PARP11: variants seen among roughly 807,000 people sequenced by gnomAD.
PARP11 encodes protein mono-ADP-ribosyltransferase PARP11.
PARP11 carries 31 observed loss-of-function variants against 42.9 expected under a neutral mutation model. The observed-to-expected ratio is 0.72, with a 90% CI of 0.54 to 0.98. The LOEUF is 0.98. Among genes scored for constraint, PARP11 ranks in the 50% least tolerant of loss-of-function variants. The pLI, the probability that PARP11 is intolerant of heterozygous loss-of-function variation, is 0.00. For missense variants in PARP11, 365 were observed against 413.1 expected (o/e 0.88, Z 1.01); for synonymous variants, 137 against 127.3 (o/e 1.08, Z -0.51).
chr12:3,841,229 G>A (rs1947882971), intron 1 of PARP11: 9 of 1,483,280 alleles, frequency 6.1e-6, no homozygotes, highest in Non-Finnish European at 8.5e-6. Context: ...TCTTCACTGT[G>A]TCAGACTGGG....
chr12:3,814,474 T>C (rs773571661), intron 6 of PARP11, among the ~76,000 whole-genome samples: 10 of 152,206 alleles, frequency 6.6e-5, no homozygotes, highest in Non-Finnish European at 1.5e-4. Context: ...AGGTAATTGA[T>C]TGTCTAAACC....
At chr12:3,826,311 G>T (rs558821374) in intron 3 of PARP11, 78 bp from the exon 4 acceptor site, 3 of 987,768 alleles carry the variant, frequency 3.0e-6, no homozygotes, top group Non-Finnish European at 2.9e-6. Flanking sequence ...TAATAGCCAC[G>T]CTACGCGATG....
intron 1 of PARP11, among the ~76,000 whole-genome samples, chr12:3,864,445 T>C (rs1451361315): frequency 6.6e-6 from 1 of 152,248 alleles, no homozygotes; most frequent in African/African-American, 2.4e-5. Flanking sequence ...AGTTGTGAAG[T>C]ATTACCTCCT....
chr12:3,843,527 T>C (rs1947935479), intron 1 of PARP11, among the ~76,000 whole-genome samples: 1 of 152,244 alleles, frequency 6.6e-6, no homozygotes, highest in African/African-American at 2.4e-5. Context: ...GTTCTCCTTG[T>C]CAGGGCTGGA....
At chr12:3,815,890 C>T (rs1015258321) in intron 6 of PARP11, among the ~76,000 whole-genome samples, 1 of 152,176 alleles carries the variant, frequency 6.6e-6, no homozygotes. Context: ...TGATAGGCAG[C>T]TCGTTGAATA....
chr12:3,822,459 C>T (rs867122702), intron 4 of PARP11, among the ~76,000 whole-genome samples: 3 of 141,662 alleles, frequency 2.1e-5, no homozygotes, highest in Non-Finnish European at 4.5e-5. Context: ...ATTAGCCAGG[C>T]GTGGGGGCGG....
chr12:3,826,338 C>T, intron 3 of PARP11, 105 bp from the exon 4 acceptor site: 1 of 750,982 alleles, frequency 1.3e-6, no homozygotes, highest in Non-Finnish European at 2.1e-6. Context: ...AATCATGGAG[C>T]TTCGGGAGTA....
intron 1 of PARP11, among the ~76,000 whole-genome samples, chr12:3,837,881 G>A (rs1464887315): frequency 6.6e-6 from 1 of 151,462 alleles, no homozygotes; most frequent in Non-Finnish European, 1.5e-5. Context: ...AATGATAATG[G>A]GGTCAACGAA....
chr12:3,832,252 T>C (rs1947657716), intron 1 of PARP11: 1 of 213,582 alleles, frequency 4.7e-6, no homozygotes, highest in Non-Finnish European at 8.0e-6. Flanking sequence ...TCTTATACAA[T>C]TCCTTATCAA....
chr12:3,839,067 C>A (rs982977020), intron 1 of PARP11, among the ~76,000 whole-genome samples: 1 of 152,038 alleles, frequency 6.6e-6, no homozygotes, highest in African/African-American at 2.4e-5. Flanking sequence ...GGCGCGTGTT[C>A]GCTCCGAGGA....
At chr12:3,873,123 G>A in intron 1 of PARP11, 89 bp downstream of exon 1, 5 of 1,230,508 alleles carry the variant, frequency 4.1e-6, no homozygotes, top group Non-Finnish European at 4.7e-6. Flanking sequence ...ACTGAAGCGA[G>A]CGCGGGGAAG....
At chr12:3,850,753 A>G (rs1353643529) in intron 1 of PARP11, among the ~76,000 whole-genome samples, 2 of 151,846 alleles carry the variant, frequency 1.3e-5, no homozygotes, top group Non-Finnish European at 2.9e-5. Flanking sequence ...GAAAGCATTT[A>G]TATTTATCTA....
intron 3 of PARP11, among the ~76,000 whole-genome samples, chr12:3,827,830 C>T (rs1043017755): frequency 1.3e-5 from 2 of 152,202 alleles, no homozygotes; most frequent in Non-Finnish European, 2.9e-5. Context: ...ACACTACTAA[C>T]ACTGTCATAA....
Position 3,812,549 on chromosome 12 carries a change from A to C in PARP11, c.701-110T>G, listed in dbSNP as rs536256958. On this transcript the variant is annotated intron_variant, in intron 7 of 7. Coordinates refer to ENST00000228820, the MANE Select transcript of PARP11 (RefSeq NM_020367.6). ...ATGCATAGAATTGTATAATAAAAAT[A>C]GATGTGGAATTTCCTCATCTGCAGA... The C allele has an allele frequency of 2.5e-5, 19 of 757,248 alleles. No individual in the cohort carries two copies. In the East Asian group the frequency reaches 4.3e-4, roughly 17 times the overall value. The allele number at this position is 757,248 out of a possible 1,614,324, so 46.9% of individuals were successfully genotyped here. A position where few individuals can be genotyped will look rare whatever the true frequency, so the allele number is the denominator to read the frequency against.
intron 1 of PARP11, chr12:3,842,668 G>C: frequency 1.6e-6 from 1 of 610,732 alleles, no homozygotes; most frequent in Non-Finnish European, 2.9e-6. Flanking sequence ...AAGACATTGT[G>C]GACATGAGTT....
intron 1 of PARP11, chr12:3,841,019 G>C (rs950241056): frequency 6.3e-7 from 1 of 1,582,650 alleles, no homozygotes. Context: ...ATTCCTGGTC[G>C]GTCAGTGACA....
chr12:3,870,126 G>GT (rs1445408776), intron 1 of PARP11, among the ~76,000 whole-genome samples: 2 of 152,158 alleles, frequency 1.3e-5, no homozygotes, highest in African/African-American at 4.8e-5. Flanking sequence ...CTGACTTCTG[G>GT]TAAGTGAAAT....
chr12:3,861,672 TAA>T lies in PARP11; in HGVS notation c.18+11538_18+11539del, dbSNP rs1470476851. On this transcript the variant is annotated intron_variant, in intron 1 of 7. Transcript: ENST00000228820. The surrounding 1 kb of genome is among the most constrained non-coding windows in gnomAD (Gnocchi z 4.6). ...CAACAGCAGAAGTTTTTAATTTTGA[TAA>T]AGTCTGTTTTATCACTTTTTTTTTT... 6.6e-6 allele frequency among the ~76,000 whole-genome samples: 1 copy of T among 152,224 alleles called. No individual in the cohort carries two copies. The highest frequency in any genetic ancestry group is 1.5e-5 in the Non-Finnish European group (1 of 68,044).
At chr12:3,851,927 AGCAATATTTGCTGTTCT>A (rs879882683) in intron 1 of PARP11, among the ~76,000 whole-genome samples, 16 of 152,340 alleles carry the variant, frequency 1.1e-4, no homozygotes, top group African/African-American at 3.1e-4. Flanking sequence ...AGGATCAGGC[AGCAATATTTGCTGTTCT>A]GCAATATTTG....
Sources: gnomAD v4.1 joint callset for allele counts (sites outside exome capture counted in the v4.1 genomes callset) on GRCh38, gnomAD v4.1.1 for gene constraint, Gnocchi (gnomAD v3.1) non-coding constraint, MANE v1.5 for transcripts, NCBI Gene and HGNC (gene_info 2026-07-23, HGNC 2026-07-21) for gene names.